GRIA3: variants seen among roughly 807,000 people sequenced by gnomAD.
The protein encoded by GRIA3 is glutamate receptor 3.
GRIA3 carries 3 observed loss-of-function variants against 63.0 expected under a neutral mutation model. That is an observed-to-expected ratio of 0.05 (90% CI 0.02 to 0.12). The LOEUF (loss-of-function observed/expected upper bound fraction) is 0.12. Among genes scored for constraint, GRIA3 ranks in the 10% least tolerant of loss-of-function variants. GRIA3 has a pLI of 1.00. For missense variants in GRIA3, 347 were observed against 700.9 expected, an observed-to-expected ratio of 0.50 and a Z score of 5.70; for synonymous variants, 274 against 257.9, an observed-to-expected ratio of 1.06 and a Z score of -0.60.
chrX:123,357,240 C>A (rs1158669244), intron 5 of GRIA3, among the ~76,000 whole-genome samples: 1 of 109,981 alleles, frequency 9.1e-6, no homozygotes, highest in African/African-American at 3.3e-5. Context: ...TGAGGCAGAT[C>A]TGAAGGTACC....
intron 7 of GRIA3, among the ~76,000 whole-genome samples, chrX:123,402,055 G>A (rs1569430891): frequency 2.7e-5 from 3 of 111,125 alleles, no homozygotes; most frequent in Non-Finnish European, 5.7e-5. Flanking sequence ...ACATGAAATC[G>A]GCATTTGGCA....
At chrX:123,386,441 T>G (rs2045354747) in intron 5 of GRIA3, among the ~76,000 whole-genome samples, 1 of 112,062 alleles carries the variant, frequency 8.9e-6, no homozygotes. Context: ...TCCTTTACTG[T>G]GCAGAAGCTT....
At chrX:123,464,399 A>C (rs903209045) in intron 12 of GRIA3, among the ~76,000 whole-genome samples, 3 of 111,973 alleles carry the variant, frequency 2.7e-5, no homozygotes, top group African/African-American at 9.7e-5. Flanking sequence ...TTCTTACAAT[A>C]ATTGATATCT....
chrX:123,468,748 A>T lies in GRIA3; in HGVS notation c.2324+3636A>T, dbSNP rs652582. ...GAGGTTTTACTGTATTAGCAAAATG[A>T]CTTGAGATTTACATCTCTTCATTGT... On this transcript the variant is annotated intron_variant, in intron 13 of 15. Coordinates refer to ENST00000620443, the MANE Select transcript of GRIA3 (RefSeq NM_007325.5). 5.3e-3 allele frequency among the ~76,000 whole-genome samples: 584 copies of T among 111,118 alleles called. 4 individuals are homozygous for T. The highest frequency in any genetic ancestry group is 0.018 in the African/African-American group (566 of 30,628).
chrX:123,325,157 G>A (rs1350553619), intron 3 of GRIA3, among the ~76,000 whole-genome samples: 1 of 112,032 alleles, frequency 8.9e-6, no homozygotes, highest in Non-Finnish European at 1.9e-5. Flanking sequence ...CGAAACTATA[G>A]ACACAATGTA....
chrX:123,256,441 T>C (rs2044420192), intron 3 of GRIA3, among the ~76,000 whole-genome samples: 1 of 111,714 alleles, frequency 9.0e-6, no homozygotes, highest in African/African-American at 3.3e-5. Context: ...GATGGCCTCA[T>C]TGAGAAGGGG....
intron 10 of GRIA3, among the ~76,000 whole-genome samples, chrX:123,411,089 T>G (rs1290422633): frequency 5.4e-5 from 6 of 111,684 alleles, no homozygotes; most frequent in Admixed American, 3.8e-4. Flanking sequence ...TCAGTTTAAG[T>G]CTTGTCCCCC....
intron 13 of GRIA3, among the ~76,000 whole-genome samples, chrX:123,473,893 A>G (rs890422349): frequency 8.9e-6 from 1 of 112,201 alleles, no homozygotes; most frequent in African/African-American, 3.2e-5. Context: ...TTTCTCCATA[A>G]CCTACATATT....
chrX:123,233,580 A>T (rs2044286862), intron 2 of GRIA3, among the ~76,000 whole-genome samples: 1 of 111,759 alleles, frequency 8.9e-6, no homozygotes, highest in African/African-American at 3.3e-5. Context: ...CTAATGACTT[A>T]CAGCCCCTTG....
chrX:123,319,838 T>A (rs1302277389), intron 3 of GRIA3, among the ~76,000 whole-genome samples: 9 of 105,897 alleles, frequency 8.5e-5, no homozygotes, highest in African/African-American at 2.4e-4. Context: ...AAAAAAGGCC[T>A]GCTTTAATAT....
At chrX:123,463,136 T>C (rs779172475) in intron 12 of GRIA3, among the ~76,000 whole-genome samples, 2 of 111,083 alleles carry the variant, frequency 1.8e-5, no homozygotes, top group South Asian at 7.6e-4. Context: ...TCAACCTGAG[T>C]TGATGGAAAG....
chrX:123,385,567 A>C (rs968794339), intron 5 of GRIA3, among the ~76,000 whole-genome samples: 1 of 111,977 alleles, frequency 8.9e-6, no homozygotes, highest in Admixed American at 9.5e-5. Flanking sequence ...TGAATCTATA[A>C]ATTGCTTTGG....
At chrX:123,332,738 T>A (rs747393999) in intron 4 of GRIA3, among the ~76,000 whole-genome samples, 3 of 111,636 alleles carry the variant, frequency 2.7e-5, no homozygotes, top group Non-Finnish European at 5.7e-5. Flanking sequence ...AAATTATAAA[T>A]TTGGAGGGAC....
At chrX:123,439,516 CAACTT>C (rs1042110642) in intron 12 of GRIA3, among the ~76,000 whole-genome samples, 5 of 111,048 alleles carry the variant, frequency 4.5e-5, no homozygotes, top group African/African-American at 1.6e-4. Context: ...ATTTGACTCT[CAACTT>C]TACTTCCTTT....
intron 3 of GRIA3, among the ~76,000 whole-genome samples, chrX:123,305,863 T>C (rs1301569336): frequency 2.7e-5 from 3 of 112,132 alleles, no homozygotes; most frequent in African/African-American, 9.7e-5. Flanking sequence ...CCGTTGCAAA[T>C]AATTGAGAAA....
intron 2 of GRIA3, among the ~76,000 whole-genome samples, chrX:123,240,364 GT>G (rs777432983): frequency 9.0e-6 from 1 of 111,247 alleles, no homozygotes; most frequent in African/African-American, 3.3e-5. Flanking sequence ...TGGAAAATAG[GT>G]TTTTTTGCTC....
At chrX:123,417,330 T>C in intron 10 of GRIA3, 72 bp from the exon 11 acceptor site, 1 of 884,729 alleles carries the variant, frequency 1.1e-6, no homozygotes, top group South Asian at 2.1e-5. Flanking sequence ...AGAAGTATAT[T>C]AAGCGACAAA....
chrX:123,243,539 T>C (rs2044341938), intron 2 of GRIA3, among the ~76,000 whole-genome samples: 1 of 112,072 alleles, frequency 8.9e-6, no homozygotes, highest in Admixed American at 9.4e-5. Context: ...AGGTGTCAGT[T>C]CAAATGCTTT....
At chrX:123,431,713 A>C (rs2045619170) in intron 12 of GRIA3, among the ~76,000 whole-genome samples, 1 of 112,391 alleles carries the variant, frequency 8.9e-6, no homozygotes, top group African/African-American at 3.2e-5. Context: ...AAGAAAAAGT[A>C]ATTCCAAAGT....
Sources: allele counts gnomAD v4.1 joint callset (sites outside exome capture counted in the v4.1 genomes callset), GRCh38; gene constraint gnomAD v4.1.1; transcripts MANE v1.5; gene names NCBI Gene and HGNC (gene_info 2026-07-23, HGNC 2026-07-21).